The following TUB variants were observed in gnomAD, a reference collection of about 807,000 sequenced individuals.
The protein encoded by TUB is tubby protein homolog.
A neutral mutation model predicts 59.7 loss-of-function variants in TUB; 33 were observed. The observed-to-expected ratio is 0.55, with a 90% CI of 0.42 to 0.74. The LOEUF is 0.74. TUB is among the 30% of genes least tolerant of loss of function. The pLI, the probability that TUB is intolerant of heterozygous loss-of-function variation, is 0.00. For synonymous variants in TUB, 293 were observed against 256.4 expected (o/e 1.14, Z -1.36); for missense variants, 659 against 672.0 (o/e 0.98, Z 0.21).
At chr11:8,020,435 A>G (rs1431784568) in intron 1 of TUB, among the ~76,000 whole-genome samples, 1 of 152,234 alleles carries the variant, frequency 6.6e-6, no homozygotes, top group Non-Finnish European at 1.5e-5. Flanking sequence ...GCCTAAGGCT[A>G]GTTTGCCTAG....
intron 2 of TUB, among the ~76,000 whole-genome samples, chr11:8,070,420 G>T (rs559121045): frequency 1.5e-3 from 234 of 151,642 alleles, no homozygotes; most frequent in African/African-American, 5.5e-3. Flanking sequence ...TTCTCATTTT[G>T]CAAATGATAA....
chr11:8,088,398 C>T (rs900975941), intron 1 of TUB, among the ~76,000 whole-genome samples: 1 of 152,186 alleles, frequency 6.6e-6, no homozygotes, highest in African/African-American at 2.4e-5. Flanking sequence ...TTCACTTTGT[C>T]CTCAGGGTGA....
At chr11:8,048,152 C>A (rs73396716) in intron 2 of TUB, among the ~76,000 whole-genome samples, 1,746 of 152,242 alleles carry the variant, frequency 0.011, 24 homozygotes, top group African/African-American at 0.036. Flanking sequence ...AGGCCATTTA[C>A]ACACATTAAC....
At chr11:8,097,890 A>AGG in intron 8 of TUB, 64 bp downstream of exon 8, 1 of 1,284,144 alleles carries the variant, frequency 7.8e-7, no homozygotes, top group African/African-American at 1.5e-5. Flanking sequence ...AGCTGTCTGT[A>AGG]GAGGGCCTGA....
intron 1 of TUB, among the ~76,000 whole-genome samples, chr11:8,039,306 C>T (rs920131436): frequency 6.6e-6 from 1 of 152,188 alleles, no homozygotes; most frequent in Non-Finnish European, 1.5e-5. Flanking sequence ...GCCTCCAGGG[C>T]TCCGGCAGCT....
chr11:8,097,877 G>C (rs764759444), intron 8 of TUB, 51 bp downstream of exon 8: 1 of 1,430,532 alleles, frequency 7.0e-7, no homozygotes, highest in Non-Finnish European at 9.8e-7. Context: ...AGGGGCAGGG[G>C]CAAGCTGTCT....
Position 8,100,545 on chromosome 11 carries a change from G to T in TUB, c.1159G>T (p.Val387Leu), listed in dbSNP as rs1214536528. 12 of 1,614,134 alleles carry T rather than the reference G, an allele frequency of 7.4e-6. No individual in the cohort carries two copies. The highest frequency in any genetic ancestry group is 1.0e-5 in the Non-Finnish European group (12 of 1,180,016). Residue 387 changes from valine (V) to leucine (L), a missense_variant, in exon 10 of 12, where the codon GTG (valine) becomes TTG (leucine). Physicochemically the swap from Val to Leu is conservative, Grantham distance 32. Transcript: ENST00000299506. The stretch of plus-strand genomic sequence containing the variant: ...CTTCAAGGGGCCTCGGAAGATGAGC[G>T]TGATTGTCCCAGGCATGAACATGGT... ...LGFKGPRKMS[V>L]IVPGMNMVHE...
intron 9 of TUB, among the ~76,000 whole-genome samples, chr11:8,099,161 C>T (rs758019138): frequency 1.3e-5 from 2 of 152,004 alleles, no homozygotes; most frequent in Non-Finnish European, 2.9e-5. Flanking sequence ...AGACGGTCGC[C>T]CTGGGTTCTT....
In TUB at chr11:8,101,683, G is replaced by A. The variant is rs1045148821; in HGVS notation, c.*64G>A. 4.3e-5 allele frequency: 68 copies of A among 1,585,620 alleles called. No individual in the cohort carries two copies. The highest frequency in any genetic ancestry group is 5.1e-5 in the Non-Finnish European group (60 of 1,166,716). On this transcript the variant is annotated 3_prime_UTR_variant, in exon 12 of 12. Coordinates refer to ENST00000299506, the MANE Select transcript of TUB (RefSeq NM_177972.3). Reference sequence around the variant, plus strand: ...CGGAGCTTGCCTGCCTGCCTGTGGAGACAGCCCTGCCTATCCTCTGTATAT... The same window carrying A: ...CGGAGCTTGCCTGCCTGCCTGTGGAAACAGCCCTGCCTATCCTCTGTATAT...
At chr11:8,025,789 A>G (rs935762926) in intron 1 of TUB, among the ~76,000 whole-genome samples, 1 of 152,194 alleles carries the variant, frequency 6.6e-6, no homozygotes, top group Non-Finnish European at 1.5e-5. Flanking sequence ...AGGTCTTTGT[A>G]TGGACGTATA....
chr11:8,036,868 G>A (rs190969304), upstream of TUB, among the ~76,000 whole-genome samples: 50 of 152,326 alleles, frequency 3.3e-4, no homozygotes, highest in Admixed American at 3.1e-3. Flanking sequence ...CCTGGAGGAA[G>A]CTGGCTTCAT....
At chr11:8,046,456 C>G (rs74052192) in intron 2 of TUB, among the ~76,000 whole-genome samples, 2,730 of 152,292 alleles carry the variant, frequency 0.018, 81 homozygotes, top group African/African-American at 0.063. Flanking sequence ...TCTCACCAAC[C>G]TGTCCCTCGT....
At chr11:8,041,750 A>T (rs1358181466) in intron 2 of TUB, among the ~76,000 whole-genome samples, 2 of 152,080 alleles carry the variant, frequency 1.3e-5, no homozygotes, top group African/African-American at 4.8e-5. Context: ...TCAACTGCCC[A>T]CCATTCACCA....
At chr11:8,095,447 G>A (rs760965054) in intron 4 of TUB, 51 bp from the exon 5 acceptor site, 2 of 1,553,224 alleles carry the variant, frequency 1.3e-6, no homozygotes, top group Non-Finnish European at 1.7e-6. Context: ...GAGAATCCAG[G>A]CCCTCCTCTC....
intron 11 of TUB, 24 bp from the exon 12 acceptor site, chr11:8,101,462 G>A (rs1391538680): frequency 2.9e-6 from 3 of 1,028,976 alleles, no homozygotes; most frequent in East Asian, 9.2e-5. Flanking sequence ...CCTTTTCTCT[G>A]TCTGTGCCTG....
chr11:8,099,728 C>G (rs938681667), intron 9 of TUB, among the ~76,000 whole-genome samples: 4 of 152,090 alleles, frequency 2.6e-5, no homozygotes, highest in Non-Finnish European at 5.9e-5. Flanking sequence ...TAAGAAATGT[C>G]AAGGTATGTG....
chr11:8,020,681 C>T (rs1166103666), intron 1 of TUB, among the ~76,000 whole-genome samples: 1 of 152,180 alleles, frequency 6.6e-6, no homozygotes, highest in Non-Finnish European at 1.5e-5. Context: ...ATCAGCCCTT[C>T]CTTGCACAGC....
rs1285918403 is a variant in TUB at position 8,081,340 on chromosome 11, G to C, written c.-171G>C. Reference sequence around the variant, plus strand: ...CGCCGCGCCGCGCAGGCAGCCGCTCGCAGAGCCAGCAGCCGGGGCCCTGGC... The same window carrying C: ...CGCCGCGCCGCGCAGGCAGCCGCTCCCAGAGCCAGCAGCCGGGGCCCTGGC... On this transcript the variant is annotated 5_prime_UTR_variant, in exon 1 of 12. Coordinates refer to ENST00000299506, the MANE Select transcript of TUB (RefSeq NM_177972.3). The C allele has an allele frequency of 2.0e-6, 2 of 984,370 alleles. No individual in the cohort carries two copies. The highest frequency in any genetic ancestry group is 2.4e-6 in the Non-Finnish European group (2 of 829,436). 61.0% of individuals were successfully genotyped at this position (984,370 alleles called of 1,614,324 possible). A position where few individuals can be genotyped will look rare whatever the true frequency, so the allele number is the denominator to read the frequency against.
At chr11:8,084,554 G>T (rs565718634) in intron 1 of TUB, among the ~76,000 whole-genome samples, 1 of 152,314 alleles carries the variant, frequency 6.6e-6, no homozygotes, top group East Asian at 1.9e-4. Context: ...GGTGGGATTG[G>T]GGTGGCCCCG....
Sources: allele counts gnomAD v4.1 joint callset (sites outside exome capture counted in the v4.1 genomes callset), GRCh38; gene constraint gnomAD v4.1.1; transcripts MANE v1.5; gene names NCBI Gene and HGNC (gene_info 2026-07-23, HGNC 2026-07-21).